WDPCP: variants seen among roughly 807,000 people sequenced by gnomAD.
The protein encoded by WDPCP is WD repeat containing planar cell polarity effector.
Under a neutral mutation model 93.1 loss-of-function variants are expected in WDPCP, and 71 were observed. That is an observed-to-expected ratio of 0.76 (90% CI 0.63 to 0.93). WDPCP has a LOEUF of 0.93. WDPCP is among the 40% of genes least tolerant of loss of function. The pLI is 0.00. For missense variants in WDPCP, 844 were observed against 887.4 expected (o/e 0.95, Z 0.62); for synonymous variants, 315 against 315.0 (o/e 1.00, Z 0.00).
At chr2:63,491,532 G>A (rs900936010) in intron 2 of WDPCP, among the ~76,000 whole-genome samples, 1 of 152,160 alleles carries the variant, frequency 6.6e-6, no homozygotes, top group Non-Finnish European at 1.5e-5. Flanking sequence ...TTCTTGGAAA[G>A]TGTACAAATA....
intron 12 of WDPCP, among the ~76,000 whole-genome samples, chr2:63,316,831 A>T (rs1305952973): frequency 1.3e-5 from 2 of 152,182 alleles, no homozygotes; most frequent in Non-Finnish European, 2.9e-5. Context: ...CCTAGATCTG[A>T]TACACAGCTT....
intron 12 of WDPCP, among the ~76,000 whole-genome samples, chr2:63,373,069 G>A (rs1229384263): frequency 6.6e-6 from 1 of 151,990 alleles, no homozygotes; most frequent in East Asian, 1.9e-4. Context: ...GTTGCGGTGA[G>A]CCAAGATAAC....
chr2:63,449,985 T>G (rs1698122666), intron 6 of WDPCP, among the ~76,000 whole-genome samples: 1 of 152,000 alleles, frequency 6.6e-6, no homozygotes, highest in Non-Finnish European at 1.5e-5. Context: ...GTACTAATCC[T>G]CGGGGAAAGA....
intron 6 of WDPCP, among the ~76,000 whole-genome samples, chr2:63,477,341 G>A (rs1381401361): frequency 6.6e-6 from 1 of 152,032 alleles, no homozygotes; most frequent in Non-Finnish European, 1.5e-5. Context: ...AAAAAAATGT[G>A]AGAAATATAT....
Position 63,236,926 on chromosome 2 carries a change from TTA to T in WDPCP, c.1915+22379_1915+22380del, listed in dbSNP as rs1679451175. ...GTGGAAATTGACACAGCCAAAGAATTTATGACTTGATAGACATCCTCAAAAGC... is the reference window on the plus strand; with the variant it reads ...GTGGAAATTGACACAGCCAAAGAATTTGACTTGATAGACATCCTCAAAAGC... On this transcript the variant is annotated intron_variant, in intron 14 of 17. Transcript: ENST00000272321. 2.0e-5 allele frequency among the ~76,000 whole-genome samples: 3 copies of T among 151,970 alleles called. 1 individual carries two copies. The South Asian group carries it at 6.2e-4, about 32-fold the overall frequency.
intron 13 of WDPCP, among the ~76,000 whole-genome samples, chr2:63,274,500 A>G (rs1028243947): frequency 2.0e-5 from 3 of 152,126 alleles, no homozygotes; most frequent in African/African-American, 7.2e-5. Context: ...TAAACAAGAT[A>G]GAGACTAATA....
At chr2:63,453,701 C>G (rs1029383301) in intron 6 of WDPCP, among the ~76,000 whole-genome samples, 1 of 152,046 alleles carries the variant, frequency 6.6e-6, no homozygotes, top group South Asian at 2.1e-4. Flanking sequence ...ACCCAAATGT[C>G]CAACAATGAC....
chr2:63,177,961 TTGTG>T (rs781530672), intron 14 of WDPCP, among the ~76,000 whole-genome samples: 26 of 152,262 alleles, frequency 1.7e-4, no homozygotes, highest in Non-Finnish European at 2.6e-4. Context: ...AAATGCTTTT[TTGTG>T]TGTGTATCAA....
At chr2:63,764,190 T>C (rs1670103276) in intron 2 of WDPCP, among the ~76,000 whole-genome samples, 1 of 152,144 alleles carries the variant, frequency 6.6e-6, no homozygotes, top group South Asian at 2.1e-4. Context: ...CATTAAGCAG[T>C]CACCCTGAGA....
chr2:63,159,232 T>C (rs988074200), intron 15 of WDPCP, among the ~76,000 whole-genome samples: 2 of 151,850 alleles, frequency 1.3e-5, no homozygotes, highest in African/African-American at 4.8e-5. Context: ...ACCTTCTATT[T>C]CTTTTTGATA....
chr2:63,769,269 G>C (rs558912484), intron 2 of WDPCP, among the ~76,000 whole-genome samples: 3 of 151,796 alleles, frequency 2.0e-5, no homozygotes, highest in African/African-American at 7.2e-5. Flanking sequence ...TAGTAATAAT[G>C]CAACTGTCTC....
At chr2:63,682,837 T>C (rs1047535799) in intron 2 of WDPCP, among the ~76,000 whole-genome samples, 2 of 152,130 alleles carry the variant, frequency 1.3e-5, no homozygotes, top group Non-Finnish European at 2.9e-5. Context: ...ATTCATATTA[T>C]GAGTAGAAAG....
intron 6 of WDPCP, among the ~76,000 whole-genome samples, chr2:63,472,849 C>T (rs540262188): frequency 3.9e-5 from 6 of 152,308 alleles, no homozygotes; most frequent in South Asian, 2.1e-4. Context: ...CGTGAGCCGC[C>T]GTGCCCAGCC....
At chr2:63,193,733 T>G (rs939451232) in intron 14 of WDPCP, among the ~76,000 whole-genome samples, 1 of 152,206 alleles carries the variant, frequency 6.6e-6, no homozygotes, top group Non-Finnish European at 1.5e-5. Flanking sequence ...ATAAGCTAAG[T>G]GATTTTTTTT....
intron 13 of WDPCP, among the ~76,000 whole-genome samples, chr2:63,262,748 A>T (rs953112765): frequency 6.6e-5 from 10 of 152,088 alleles, no homozygotes; most frequent in Non-Finnish European, 1.5e-4. Flanking sequence ...TTTTAAAAAA[A>T]GTTCTAGGGA....
intron 1 of WDPCP, among the ~76,000 whole-genome samples, chr2:63,505,800 C>T (rs1701833278): frequency 6.6e-6 from 1 of 152,056 alleles, no homozygotes; most frequent in Non-Finnish European, 1.5e-5. Flanking sequence ...AAAGCATCTA[C>T]TAAGTGCAAC....
chr2:63,659,944 G>A (rs1235865764), intron 2 of WDPCP, among the ~76,000 whole-genome samples: 1 of 151,884 alleles, frequency 6.6e-6, no homozygotes, highest in African/African-American at 2.4e-5. Context: ...AATAATCTTT[G>A]CAAAGATACA....
intron 17 of WDPCP, among the ~76,000 whole-genome samples, chr2:63,137,117 C>T (rs555804414): frequency 2.0e-5 from 3 of 152,114 alleles, no homozygotes; most frequent in African/African-American, 7.2e-5. Flanking sequence ...GGCTGTAGGA[C>T]GTTGAGGAAT....
At chr2:63,790,601 C>T (rs938953876) in intron 2 of WDPCP, among the ~76,000 whole-genome samples, 1 of 152,122 alleles carries the variant, frequency 6.6e-6, no homozygotes, top group Non-Finnish European at 1.5e-5. Flanking sequence ...GTATAATAGA[C>T]AGTAGGATAA....
Sources: gnomAD v4.1 joint callset for allele counts (sites outside exome capture counted in the v4.1 genomes callset) on GRCh38, gnomAD v4.1.1 for gene constraint, MANE v1.5 for transcripts, NCBI Gene and HGNC (gene_info 2026-07-23, HGNC 2026-07-21) for gene names.